Variants in CLASP2 observed in about 807,000 individuals in gnomAD.
CLASP2 encodes the protein cytoplasmic linker associated protein 2.
In CLASP2, 47 loss-of-function variants were observed where a neutral mutation model predicts 194.4. That is an observed-to-expected ratio of 0.24 (90% confidence interval 0.19 to 0.31). The LOEUF is 0.31. Ranked by LOEUF, CLASP2 falls within the 10% of genes least tolerant of loss-of-function variation. The pLI, the probability that CLASP2 is intolerant of heterozygous loss-of-function variation, is 1.00. For missense variants in CLASP2, 1,445 were observed against 1,823.6 expected (o/e 0.79, Z 3.78); for synonymous variants, 619 against 633.5 (o/e 0.98, Z 0.34).
intron 34 of CLASP2, among the ~76,000 whole-genome samples, chr3:33,522,685 G>GAACAA (rs1334448002): frequency 1.3e-5 from 2 of 152,074 alleles, no homozygotes; most frequent in Non-Finnish European, 2.9e-5. Context: ...AATAATGTAT[G>GAACAA]AACAAAATGG....
In CLASP2 at chr3:33,687,234, T is replaced by C. The variant is rs976414262; in HGVS notation, c.471-99A>G. ...CTTGTCTGTAGCAATATAACAAATATAGTGGACAGGATGGGCACACATCAT... is the reference window on the plus strand; with the variant it reads ...CTTGTCTGTAGCAATATAACAAATACAGTGGACAGGATGGGCACACATCAT... On this transcript the variant is annotated intron_variant, in intron 4 of 38. Transcript: ENST00000682230. 37 of 713,000 alleles carry C rather than the reference T, an allele frequency of 5.2e-5. No homozygotes were observed. In the East Asian group the frequency reaches 8.1e-4, roughly 16 times the overall value. The allele number at this position is 713,000 out of a possible 1,614,324, so 44.2% of individuals were successfully genotyped here. A position where few individuals can be genotyped will look rare whatever the true frequency, so the allele number is the denominator to read the frequency against.
chr3:33,677,252 C>A (rs185852845), intron 6 of CLASP2, among the ~76,000 whole-genome samples: 9 of 152,160 alleles, frequency 5.9e-5, no homozygotes, highest in Non-Finnish European at 8.8e-5. Flanking sequence ...GACACATGCA[C>A]ATTTATGTTT....
At chr3:33,557,691 T>C (rs772896702) in intron 29 of CLASP2, among the ~76,000 whole-genome samples, 1 of 152,350 alleles carries the variant, frequency 6.6e-6, no homozygotes, top group East Asian at 1.9e-4. Flanking sequence ...GCCTTGGTCA[T>C]AAAATGAGTT....
Position 33,718,135 on chromosome 3 carries a change from G to A in CLASP2, c.-133C>T, listed in dbSNP as rs895039518. 7 of 905,492 alleles carry A rather than the reference G, an allele frequency of 7.7e-6. No individual in the cohort carries two copies. The African/African-American group carries it at 1.1e-4, about 14-fold the overall frequency. The allele number at this position is 905,492 out of a possible 1,614,324, so 56.1% of individuals were successfully genotyped here. ...CCGCCAGGGGCGCGGCTTGCGGGGC[G>A]CAGCGGGCGGCGGGAGGAACGCCAA... On this transcript the variant is annotated 5_prime_UTR_variant, in exon 1 of 39. Coordinates refer to ENST00000682230, the MANE Select transcript of CLASP2 (RefSeq NM_001365631.1).
At chr3:33,648,514 G>T (rs2082655479) in intron 7 of CLASP2, among the ~76,000 whole-genome samples, 1 of 151,790 alleles carries the variant, frequency 6.6e-6, no homozygotes, top group African/African-American at 2.4e-5. Context: ...AACTAAAAAG[G>T]AAAAATAAAT....
At chr3:33,527,127 C>A (rs1283823711) in intron 34 of CLASP2, among the ~76,000 whole-genome samples, 1 of 152,004 alleles carries the variant, frequency 6.6e-6, no homozygotes, top group Non-Finnish European at 1.5e-5. Context: ...AAAATCAGAG[C>A]TGAAATGAAA....
At chr3:33,674,097 T>C (rs990668762) in intron 6 of CLASP2, among the ~76,000 whole-genome samples, 6 of 152,162 alleles carry the variant, frequency 3.9e-5, no homozygotes, top group Admixed American at 6.5e-5. Flanking sequence ...GCGGACCTAA[T>C]AGACAGCTAC....
chr3:33,677,876 G>C (rs2089078976), intron 6 of CLASP2, among the ~76,000 whole-genome samples: 1 of 125,010 alleles, frequency 8.0e-6, no homozygotes, highest in South Asian at 2.5e-4. Flanking sequence ...ATGCCAAAAA[G>C]GAAAAAAAAA....
intron 13 of CLASP2, among the ~76,000 whole-genome samples, chr3:33,609,342 T>A (rs1014567058): frequency 7.9e-5 from 12 of 152,180 alleles, no homozygotes; most frequent in Non-Finnish European, 1.0e-4. Flanking sequence ...TTATTAAACA[T>A]CTATGCACTT....
At chr3:33,603,363 A>G (rs976643125) in intron 17 of CLASP2, among the ~76,000 whole-genome samples, 1 of 152,226 alleles carries the variant, frequency 6.6e-6, no homozygotes, top group Non-Finnish European at 1.5e-5. Flanking sequence ...AAAAATGGGA[A>G]AAATGGTGAC....
rs1048584578 is a variant in CLASP2, at chr3:33,497,553, G to C, written c.*1078C>G. 5.9e-5 allele frequency: 9 copies of C among 152,606 alleles called. No individual in the cohort carries two copies. The highest frequency in any genetic ancestry group is 1.7e-4 in the African/African-American group (7 of 41,438). 9.5% of individuals were successfully genotyped at this position (152,606 alleles called of 1,614,324 possible). ...TAAAAGTATTAGCCCTGAAGAGGTA[G>C]AGAATTTGAGCCCATTATACAAAGA... is the stretch of plus-strand genomic sequence containing the variant. On this transcript the variant is annotated 3_prime_UTR_variant, in exon 39 of 39. Transcript: ENST00000682230.
At position 33,538,843 on chromosome 3, in the gene CLASP2, T is replaced by A; in HGVS notation, c.3504A>T (p.Gln1168His). 6.2e-7 allele frequency: 1 copy of A among 1,604,728 alleles called. No individual in the cohort carries two copies. Among genetic ancestry groups the A allele is most frequent in the Non-Finnish European group, 8.5e-7 (1 of 1,175,162 alleles). Reference sequence around the variant, plus strand: ...TTTTCAATGGCTCATTCATATCTTCTTGGCTACGGAAGCTGAAATTCTGGA... The same window carrying A: ...TTTTCAATGGCTCATTCATATCTTCATGGCTACGGAAGCTGAAATTCTGGA... Reference protein sequence around the residue: ...EAIQNFSFRSQEDMNEPLKRD... With the variant: ...EAIQNFSFRSHEDMNEPLKRD... The change falls in exon 33 of 39, where the codon CAA becomes CAT. Residue 1168 changes from glutamine to histidine, a missense_variant. Physicochemically the swap from Gln to His is conservative, Grantham distance 24. Coordinates refer to ENST00000682230, the MANE Select transcript of CLASP2 (RefSeq NM_001365631.1).
intron 18 of CLASP2, among the ~76,000 whole-genome samples, chr3:33,598,344 T>C (rs1357292786): frequency 1.3e-5 from 2 of 152,140 alleles, no homozygotes; most frequent in Non-Finnish European, 1.5e-5. Context: ...CACACTCTTC[T>C]TAATGTCCAA....
chr3:33,606,269 C>A (rs928759881), intron 16 of CLASP2, among the ~76,000 whole-genome samples: 1 of 152,062 alleles, frequency 6.6e-6, no homozygotes, highest in Admixed American at 6.6e-5. Context: ...ATCTCCATTA[C>A]AATTCCTCCA....
chr3:33,510,498 C>T, intron 37 of CLASP2, 60 bp downstream of exon 37: 5 of 1,510,462 alleles, frequency 3.3e-6, no homozygotes, highest in Non-Finnish European at 4.6e-6. Flanking sequence ...TGGAAAGTAC[C>T]TAAAATAACT....
chr3:33,707,645 GGAGA>G (rs1323260315), intron 1 of CLASP2, among the ~76,000 whole-genome samples: 2 of 152,128 alleles, frequency 1.3e-5, no homozygotes, highest in Non-Finnish European at 2.9e-5. Flanking sequence ...GGAGATGAAA[GGAGA>G]GTATTTCCTA....
In CLASP2 at chr3:33,608,607, C is replaced by A. The variant is rs1374798663; in HGVS notation, c.1408G>T (p.Asp470Tyr). Residue 470 changes from aspartate (D) to tyrosine (Y), a missense_variant, in exon 14 of 39, where the codon GAT (aspartate) becomes TAT (tyrosine). Physicochemically the swap from Asp to Tyr is radical, Grantham distance 160. Coordinates refer to ENST00000682230, the MANE Select transcript of CLASP2 (RefSeq NM_001365631.1). ...PVRRRSFEFL[D>Y]LLLQEWQTHS... is the part of the protein sequence containing the mutation. ...GTCTGCCACTCTTGCAACAATAAAT[C>A]TAAAAATTCAAATGAACGTCTGAAA... The A allele has an allele frequency of 1.9e-6, 3 of 1,610,438 alleles. No homozygotes were observed. Among genetic ancestry groups the A allele is most frequent in the Non-Finnish European group, 2.5e-6 (3 of 1,178,206 alleles).
chr3:33,568,348 T>C (rs969348096), intron 26 of CLASP2, among the ~76,000 whole-genome samples: 1 of 150,394 alleles, frequency 6.6e-6, no homozygotes, highest in East Asian at 1.9e-4. Context: ...AGGCCAGGAG[T>C]TCAAGACCAG....
At position 33,644,765 on chromosome 3, in the gene CLASP2, T is replaced by G. The variant is rs755478813; in HGVS notation, c.854A>C (p.Lys285Thr). 27 of 1,613,058 alleles carry G rather than the reference T, an allele frequency of 1.7e-5. No individual in the cohort carries two copies. The highest frequency in any genetic ancestry group is 2.3e-5 in the Non-Finnish European group (27 of 1,179,602). ...AAATGGATTTACATTACCTCCAACC[T>G]TAGGGCCACCTGCTGAACCAGGCTT... is the stretch of plus-strand genomic sequence containing the variant. ...ARKPGSAGGPKVGGASKEGGA... is the reference protein window; with the variant it reads ...ARKPGSAGGPTVGGASKEGGA... The change falls in exon 8 of 39, where the codon AAG becomes ACG. Residue 285 changes from lysine to threonine, a missense_variant. Around this residue, in one of 4 missense-constraint regions of CLASP2, gnomAD observed 207 missense variants for 331.4 expected, o/e 0.62. Transcript: ENST00000682230.
Sources: allele counts gnomAD v4.1 joint callset (sites outside exome capture counted in the v4.1 genomes callset), GRCh38; gene constraint gnomAD v4.1.1; regional missense constraint gnomAD v4.1.1; transcripts MANE v1.5; gene names NCBI Gene and HGNC (gene_info 2026-07-23, HGNC 2026-07-21).